The following ACSL5 variants were observed in gnomAD, a reference collection of about 807,000 sequenced individuals.
ACSL5 encodes the protein long-chain-fatty-acid--CoA ligase 5.
A neutral mutation model predicts 84.9 loss-of-function variants in ACSL5; 50 were observed. The ratio of observed to expected loss-of-function variants is 0.59; its 90% CI spans 0.47 to 0.75. ACSL5 has a LOEUF of 0.75. Among genes scored for constraint, ACSL5 ranks in the 30% least tolerant of loss-of-function variants. ACSL5 has a pLI of 0.00. For missense variants in ACSL5, 775 were observed against 830.4 expected, an observed-to-expected ratio of 0.93 and a Z score of 0.82; for synonymous variants, 280 against 300.7, an observed-to-expected ratio of 0.93 and a Z score of 0.71.
chr10:112,400,175 A>G (rs562647902), intron 3 of ACSL5, among the ~76,000 whole-genome samples: 117 of 152,176 alleles, frequency 7.7e-4, no homozygotes, highest in Non-Finnish European at 1.4e-3. Flanking sequence ...GCAATTTAAG[A>G]TAGTATATGT....
chr10:112,416,470 CAAAAAA>C (rs35770074), intron 12 of ACSL5, among the ~76,000 whole-genome samples: 7 of 58,398 alleles, frequency 1.2e-4, no homozygotes, highest in Non-Finnish European at 2.3e-4. Flanking sequence ...GACTCTGTCT[CAAAAAA>C]AAAAAAAAAA....
intron 6 of ACSL5, chr10:112,408,815 C>G (rs946995739): frequency 7.9e-6 from 2 of 254,114 alleles, no homozygotes; most frequent in African/African-American, 4.5e-5. Context: ...TAGATAAAAG[C>G]CCAGAGAGTG....
chr10:112,426,054 C>A (rs892617486), intron 18 of ACSL5, among the ~76,000 whole-genome samples: 3 of 151,034 alleles, frequency 2.0e-5, no homozygotes, highest in Non-Finnish European at 4.4e-5. Context: ...AATGGAACAT[C>A]TTTGTAATGA....
At chr10:112,426,660 G>A (rs528099554) in intron 19 of ACSL5, 128 bp from the exon 20 acceptor site, 42 of 795,174 alleles carry the variant, frequency 5.3e-5, no homozygotes, top group Non-Finnish European at 8.4e-5. Flanking sequence ...CATATAATGT[G>A]CTTGTGCATA....
At chr10:112,391,154 G>A (rs190524693) in intron 1 of ACSL5, among the ~76,000 whole-genome samples, 7 of 152,260 alleles carry the variant, frequency 4.6e-5, no homozygotes, top group African/African-American at 7.2e-5. Flanking sequence ...CAAGGCGGGC[G>A]GATCACCTGA....
intron 12 of ACSL5, among the ~76,000 whole-genome samples, chr10:112,414,500 G>A (rs752720058): frequency 5.9e-5 from 9 of 151,840 alleles, no homozygotes; most frequent in Admixed American, 1.3e-4. Context: ...GATTATAGGC[G>A]TGCACTACCA....
At chr10:112,410,342 T>C (rs951428331) in intron 7 of ACSL5, 121 bp from the exon 8 acceptor site, 1 of 1,561,112 alleles carries the variant, frequency 6.4e-7, no homozygotes, top group African/African-American at 1.4e-5. Context: ...TGATCCAGGT[T>C]GGAATTTTGC....
rs1307326384 is a variant in ACSL5, at chr10:112,426,313, C to A, written c.1793C>A (p.Ala598Asp). The A allele has an allele frequency of 6.2e-7, 1 of 1,613,952 alleles. No individual in the cohort carries two copies. Among genetic ancestry groups the A allele is most frequent in the Admixed American group, 1.7e-5 (1 of 59,990 alleles). Residue 598 changes from alanine to aspartate, a missense_variant, in exon 19 of 21, where the codon GCC becomes GAC. Transcript: ENST00000354655. Reference protein sequence around the residue: ...PDTDVLPSFAAKLGVKGSFEE... With the variant: ...PDTDVLPSFADKLGVKGSFEE... ...ACAGATGTACTTCCCTCATTTGCAG[C>A]CAAGCTTGGGGTGAAGGGCTCCTTT...
intron 1 of ACSL5, chr10:112,376,575 ACG>A: frequency 7.5e-7 from 1 of 1,331,532 alleles, no homozygotes. Flanking sequence ...GCTGAGTTCC[ACG>A]GGCACATCAT....
intron 1 of ACSL5, among the ~76,000 whole-genome samples, chr10:112,379,955 T>G (rs1849317073): frequency 6.6e-6 from 1 of 152,190 alleles, no homozygotes; most frequent in Non-Finnish European, 1.5e-5. Context: ...CTGGCACAGG[T>G]GACAGGGTCC....
chr10:112,408,636 T>C lies in ACSL5; in HGVS notation c.532+115T>C, dbSNP rs551110500. ...TTTAAGCAAACTTGAAATGCTGTGG[T>C]CGGAAAATGTTCAAGTCTTTCTAGT... On this transcript the variant is annotated intron_variant, in intron 6 of 20. Transcript: ENST00000354655. 4.0e-6 allele frequency: 3 copies of C among 745,886 alleles called. No homozygotes were observed. In the East Asian group the frequency reaches 7.8e-5, roughly 19 times the overall value. 46.2% of individuals were successfully genotyped at this position (745,886 alleles called of 1,614,324 possible). A position where few individuals can be genotyped will look rare whatever the true frequency, so the allele number is the denominator to read the frequency against.
chr10:112,401,786 C>CTTTCTT (rs1554862684), intron 3 of ACSL5, among the ~76,000 whole-genome samples: 6 of 119,394 alleles, frequency 5.0e-5, no homozygotes, highest in African/African-American at 1.8e-4. Context: ...TTCTTTCTTT[C>CTTTCTT]TCTTTCTTTC....
intron 9 of ACSL5, 23 bp from the exon 10 acceptor site, chr10:112,411,433 T>C: frequency 6.3e-7 from 1 of 1,586,796 alleles, no homozygotes; most frequent in Non-Finnish European, 8.7e-7. Context: ...AGTATCTTTC[T>C]CTCCACCTCT....
chr10:112,410,275 GA>G, intron 7 of ACSL5, 187 bp from the exon 8 acceptor site: 2 of 1,541,658 alleles, frequency 1.3e-6, no homozygotes, highest in Non-Finnish European at 1.7e-6. Flanking sequence ...ATTTTCTAGA[GA>G]AATCTTATGC....
rs2133632174 is a variant in ACSL5 at position 112,411,437 on chromosome 10, C to T, written c.797-19C>T. 1 of 1,593,750 alleles carries T rather than the reference C, an allele frequency of 6.3e-7. No homozygotes were observed. The highest frequency in any genetic ancestry group is 1.1e-5 in the South Asian group (1 of 90,586). On this transcript the variant is annotated intron_variant, in intron 9 of 20. Transcript: ENST00000354655. The stretch of plus-strand genomic sequence containing the variant: ...TAGCTACATAAAGTATCTTTCTCTC[C>T]ACCTCTTATTTCCTACAGGTGACCC...
chr10:112,427,552 C>A lies in ACSL5; in HGVS notation c.*194C>A. 1 of 446,688 alleles carries A rather than the reference C, an allele frequency of 2.2e-6. No homozygotes were observed. Among genetic ancestry groups the A allele is most frequent in the Non-Finnish European group, 3.8e-6 (1 of 264,420 alleles). 27.7% of individuals were successfully genotyped at this position (446,688 alleles called of 1,614,324 possible). On this transcript the variant is annotated 3_prime_UTR_variant, in exon 21 of 21. Coordinates refer to ENST00000354655, the MANE Select transcript of ACSL5 (RefSeq NM_203379.2). ...TCCCAAATAAATCAATCCTGTCTTT[C>A]CCATCTTCGATGTTGCTAATATTAA...
chr10:112,401,825 TTTCTTTC>T (rs1206079406), intron 3 of ACSL5, among the ~76,000 whole-genome samples: 1 of 113,978 alleles, frequency 8.8e-6, no homozygotes, highest in Non-Finnish European at 1.9e-5. Flanking sequence ...TCTTTCTTTC[TTTCTTTC>T]TTTCTTTCTT....
intron 1 of ACSL5, chr10:112,376,334 C>T: frequency 6.2e-7 from 1 of 1,614,146 alleles, no homozygotes. Flanking sequence ...GCCACCCTGT[C>T]TCTGGAGGAA....
chr10:112,422,545 G>C, intron 17 of ACSL5, 104 bp downstream of exon 17: 4 of 1,046,066 alleles, frequency 3.8e-6, no homozygotes, highest in Non-Finnish European at 4.3e-6. Flanking sequence ...AATCAGCTGA[G>C]GCAGCTGGAG....
Sources: gnomAD v4.1 joint callset for allele counts (sites outside exome capture counted in the v4.1 genomes callset) on GRCh38, gnomAD v4.1.1 for gene constraint, MANE v1.5 for transcripts, NCBI Gene and HGNC (gene_info 2026-07-23, HGNC 2026-07-21) for gene names.